DGKB: variants seen among roughly 807,000 people sequenced by gnomAD.
DGKB encodes diacylglycerol kinase beta.
In DGKB, 67 loss-of-function variants were observed where a neutral mutation model predicts 114.3. The observed-to-expected ratio is 0.59, with a 90% CI of 0.48 to 0.72. The LOEUF is 0.72. Ranked by LOEUF, DGKB falls within the 30% of genes least tolerant of loss-of-function variation. The pLI is 0.00. For synonymous variants in DGKB, 398 were observed against 323.1 expected (o/e 1.23, Z -2.49); for missense variants, 907 against 975.2 (o/e 0.93, Z 0.93).
chr7:14,146,144 A>C lies in DGKB; in HGVS notation c.*2987T>G, dbSNP rs1168076254. 2 of 152,204 alleles carry C rather than the reference A, an allele frequency of 1.3e-5. No individual in the cohort carries two copies. The highest frequency in any genetic ancestry group is 2.9e-5 in the Non-Finnish European group (2 of 68,026). The allele number at this position is 152,204 out of a possible 1,614,324, so 9.4% of individuals were successfully genotyped here. Reference sequence around the variant, plus strand: ...AAGATATCTCCTTCCACCACAATAAATTGATCAGCATTTTCACATGAAATA... The same window carrying C: ...AAGATATCTCCTTCCACCACAATAACTTGATCAGCATTTTCACATGAAATA... On this transcript the variant is annotated 3_prime_UTR_variant, in exon 26 of 26. Transcript: ENST00000402815.
At chr7:14,316,435 A>T (rs1481006100) in intron 23 of DGKB, among the ~76,000 whole-genome samples, 9 of 125,522 alleles carry the variant, frequency 7.2e-5, no homozygotes, top group Admixed American at 1.6e-4. Flanking sequence ...GACGCAATAA[A>T]AAATGATAAA....
chr7:14,671,855 C>A (rs1819016894), intron 13 of DGKB, among the ~76,000 whole-genome samples: 1 of 151,974 alleles, frequency 6.6e-6, no homozygotes, highest in Non-Finnish European at 1.5e-5. Flanking sequence ...TTTAAATTAA[C>A]CTAAAATGTA....
At chr7:14,265,481 G>T (rs1021985670) in intron 23 of DGKB, among the ~76,000 whole-genome samples, 29 of 151,398 alleles carry the variant, frequency 1.9e-4, no homozygotes, top group African/African-American at 7.0e-4. Context: ...TCTTTCTATT[G>T]TGTCTTCTAC....
At chr7:14,501,239 T>C (rs549492456) in intron 20 of DGKB, among the ~76,000 whole-genome samples, 1 of 152,046 alleles carries the variant, frequency 6.6e-6, no homozygotes, top group South Asian at 2.1e-4. Context: ...CCAGGAAGGC[T>C]TCTAGAACTC....
chr7:14,244,006 C>A (rs1489388925), intron 23 of DGKB, among the ~76,000 whole-genome samples: 1 of 151,442 alleles, frequency 6.6e-6, no homozygotes, highest in Non-Finnish European at 1.5e-5. Flanking sequence ...CTATGAAATA[C>A]AGTGTTATGA....
rs146355710 is a variant in DGKB, at chr7:14,499,780, C to T, written c.1771-21555G>A. On this transcript the variant is annotated intron_variant, in intron 20 of 25. Coordinates refer to ENST00000402815, the MANE Select transcript of DGKB (RefSeq NM_001350709.2). ...GGAGAAATCAAATATTCTTCTGAAA[C>T]GTAAATGACAGAAATTGCTCAAAGC... Among the ~76,000 whole-genome samples the T allele has an allele frequency of 3.4e-3, 518 of 151,714 alleles. 3 individuals carry two copies. Among genetic ancestry groups the T allele is most frequent in the African/African-American group, 0.012 (477 of 41,436 alleles).
intron 1 of DGKB, among the ~76,000 whole-genome samples, chr7:14,927,278 T>G (rs1784794251): frequency 6.6e-6 from 1 of 152,058 alleles, no homozygotes; most frequent in African/African-American, 2.4e-5. Context: ...TAGTTTGAAG[T>G]TCCTCCCTTT....
intron 21 of DGKB, among the ~76,000 whole-genome samples, chr7:14,358,947 C>T (rs1425927492): frequency 3.9e-5 from 6 of 152,082 alleles, no homozygotes; most frequent in Admixed American, 1.3e-4. Context: ...AAAAAAACTA[C>T]CTTAAAGTTC....
chr7:14,795,269 G>A (rs4721373), intron 2 of DGKB, among the ~76,000 whole-genome samples: 32,883 of 152,118 alleles, frequency 0.22, 4,512 homozygotes, highest in Non-Finnish European at 0.31. Context: ...ATTAAGCAAA[G>A]GTTCTGCATT....
chr7:14,394,593 G>A (rs1156820564), intron 21 of DGKB, among the ~76,000 whole-genome samples: 3 of 151,948 alleles, frequency 2.0e-5, no homozygotes, highest in Non-Finnish European at 2.9e-5. Flanking sequence ...TCAACCCATC[G>A]AACATGAATG....
At chr7:14,163,328 T>C (rs998584578) in intron 25 of DGKB, among the ~76,000 whole-genome samples, 1 of 152,126 alleles carries the variant, frequency 6.6e-6, no homozygotes, top group Non-Finnish European at 1.5e-5. Flanking sequence ...AAGCAGTAAA[T>C]TGTGTTGTCA....
At chr7:14,160,044 TTAA>T (rs1178995774) in intron 25 of DGKB, among the ~76,000 whole-genome samples, 3 of 152,192 alleles carry the variant, frequency 2.0e-5, no homozygotes, top group African/African-American at 4.8e-5. Flanking sequence ...AAAATCATGT[TTAA>T]TAATAGCTAT....
At chr7:14,296,741 AT>A (rs1328146478) in intron 23 of DGKB, among the ~76,000 whole-genome samples, 2 of 150,736 alleles carry the variant, frequency 1.3e-5, no homozygotes, top group African/African-American at 4.9e-5. Context: ...CTTTAAAAAA[AT>A]CAGTGAATCC....
At chr7:14,921,360 C>G (rs995201729) in intron 1 of DGKB, among the ~76,000 whole-genome samples, 2 of 152,098 alleles carry the variant, frequency 1.3e-5, no homozygotes, top group Non-Finnish European at 2.9e-5. Flanking sequence ...AAATTCGGAA[C>G]TACTTGCTTA....
In DGKB at chr7:14,964,774, G is replaced by T. The variant is rs17168559; in HGVS notation, c.-188+9922C>A. ...TGTTGGTCATTAAATGAGATAAGAT[G>T]CAAAAGGGATAATTTCTTGAACCAA... On this transcript the variant is annotated intron_variant, in intron 1 of 4. Transcript: ENST00000437998. Among the ~76,000 whole-genome samples, 309 of 152,150 alleles carry T rather than the reference G, an allele frequency of 2.0e-3. 1 individual carries two copies. Among genetic ancestry groups the T allele is most frequent in the African/African-American group, 7.3e-3 (304 of 41,532 alleles).
chr7:14,969,392 A>C (rs1787335081), intron 1 of DGKB, among the ~76,000 whole-genome samples: 2 of 152,122 alleles, frequency 1.3e-5, no homozygotes, highest in Admixed American at 6.6e-5. Context: ...TCTTTGTGTA[A>C]ATGTCGTAAC....
intron 23 of DGKB, 27 bp from the exon 24 acceptor site, chr7:14,178,178 T>C (rs372625768): frequency 3.1e-6 from 5 of 1,612,304 alleles, no homozygotes; most frequent in Non-Finnish European, 3.4e-6. Flanking sequence ...GCCTTTTAAG[T>C]TGCAATGTGT....
In DGKB at chr7:14,148,806, T is replaced by A. The variant is rs746127348; in HGVS notation, c.*325A>T. On this transcript the variant is annotated 3_prime_UTR_variant, in exon 26 of 26. Transcript: ENST00000402815. ...CCCATGGTATTTCCTTTTTCATGTTTCACGGGTTTTTCTCACAGGTTAGTA... is the reference window on the plus strand; with the variant it reads ...CCCATGGTATTTCCTTTTTCATGTTACACGGGTTTTTCTCACAGGTTAGTA... 16 of 350,964 alleles carry A rather than the reference T, an allele frequency of 4.6e-5. No individual in the cohort carries two copies. Among genetic ancestry groups the A allele is most frequent in the Middle Eastern group, 8.8e-4 (1 of 1,138 alleles). The allele number at this position is 350,964 out of a possible 1,614,324, so 21.7% of individuals were successfully genotyped here. A position where few individuals can be genotyped will look rare whatever the true frequency, so the allele number is the denominator to read the frequency against.
intron 23 of DGKB, among the ~76,000 whole-genome samples, chr7:14,210,810 C>G (rs992830907): frequency 2.6e-5 from 4 of 152,062 alleles, no homozygotes; most frequent in African/African-American, 9.7e-5. Flanking sequence ...CCAGCACCTA[C>G]CTTTCCTCTC....
Sources: gnomAD v4.1 joint callset for allele counts (sites outside exome capture counted in the v4.1 genomes callset) on GRCh38, gnomAD v4.1.1 for gene constraint, MANE v1.5 for transcripts, NCBI Gene and HGNC (gene_info 2026-07-23, HGNC 2026-07-21) for gene names.